MMP26: variants seen among roughly 807,000 people sequenced by gnomAD.
MMP26 encodes the protein matrix metalloproteinase-26.
In MMP26, 33 loss-of-function variants were observed where a neutral mutation model predicts 31.0. That is an observed-to-expected ratio of 1.06 (90% confidence interval 0.81 to 1.42). The LOEUF (loss-of-function observed/expected upper bound fraction) is 1.42. Ranked by LOEUF, MMP26 falls within the 40% of genes most tolerant of loss-of-function variation. The probability of loss-of-function intolerance (pLI) is 0.00; values close to 1 mark genes in which losing one functional copy is unlikely to be tolerated. For synonymous variants in MMP26, 122 were observed against 114.9 expected (o/e 1.06, Z -0.40); for missense variants, 347 against 316.1 (o/e 1.10, Z -0.74).
intron 2 of MMP26, among the ~76,000 whole-genome samples, chr11:4,819,602 A>G (rs1308812119): frequency 1.7e-5 from 1 of 58,920 alleles, no homozygotes; most frequent in Non-Finnish European, 3.2e-5. Context: ...TTTTTGAGAC[A>G]GTGTTTCTCT....
intron 1 of MMP26, chr11:4,723,647 C>T: frequency 1.1e-6 from 1 of 871,416 alleles, no homozygotes; most frequent in South Asian, 1.3e-5. Flanking sequence ...ATCTCATCCT[C>T]ATACTTGTTC....
At chr11:4,916,001 G>A (rs1244887207) in intron 2 of MMP26, among the ~76,000 whole-genome samples, 1 of 152,146 alleles carries the variant, frequency 6.6e-6, no homozygotes, top group East Asian at 1.9e-4. Flanking sequence ...AGCCACTAGA[G>A]TTTTTACTAG....
At chr11:4,973,226 A>G (rs1846689244) in intron 2 of MMP26, 1 of 160,230 alleles carries the variant, frequency 6.2e-6, no homozygotes, top group African/African-American at 2.4e-5. Context: ...CAGTATCAAC[A>G]TGTAGGACAT....
At chr11:4,917,402 A>G (rs1439478423) in intron 2 of MMP26, among the ~76,000 whole-genome samples, 2 of 152,234 alleles carry the variant, frequency 1.3e-5, no homozygotes, top group Non-Finnish European at 1.5e-5. Flanking sequence ...TTCTTGCCAT[A>G]TAGATAATAA....
intron 2 of MMP26, among the ~76,000 whole-genome samples, chr11:4,830,852 G>A (rs531215673): frequency 1.3e-5 from 2 of 151,310 alleles, no homozygotes; most frequent in Admixed American, 1.3e-4. Context: ...CAGAAGCCAA[G>A]TGCAATAGGA....
In MMP26 at chr11:4,924,407, AT is replaced by A. The variant is rs1404972102; in HGVS notation, c.-144-63659del. The A allele has an allele frequency of 4.1e-6, 6 of 1,460,902 alleles. No individual in the cohort carries two copies. In the Admixed American group the frequency reaches 1.3e-4, roughly 31 times the overall value. 90.5% of individuals were successfully genotyped at this position (1,460,902 alleles called of 1,614,324 possible). The stretch of plus-strand genomic sequence containing the variant: ...GATTCCTGGAAAGTGACAAGGCTGA[AT>A]TCTCACTCACCTAAATGTCCCAAGA... On this transcript the variant is annotated intron_variant, in intron 2 of 7. Transcript: ENST00000380390.
intron 2 of MMP26, among the ~76,000 whole-genome samples, chr11:4,824,338 A>G (rs775008499): frequency 3.9e-5 from 6 of 152,122 alleles, no homozygotes; most frequent in African/African-American, 1.4e-4. Flanking sequence ...GCAACATATC[A>G]GTGTGGGTCC....
intron 2 of MMP26, among the ~76,000 whole-genome samples, chr11:4,801,486 AGG>A (rs1164378566): frequency 6.6e-6 from 1 of 151,384 alleles, no homozygotes; most frequent in African/African-American, 2.4e-5. Context: ...GAGAAGGGGG[AGG>A]GGGAGGTCCC....
chr11:4,786,512 T>TA (rs1564909342), intron 2 of MMP26, among the ~76,000 whole-genome samples: 27 of 136,122 alleles, frequency 2.0e-4, no homozygotes, highest in Non-Finnish European at 3.5e-4. Flanking sequence ...TTTTTTTTTT[T>TA]TTTTTTTTTT....
At chr11:4,960,629 T>C (rs1420306998) in intron 2 of MMP26, among the ~76,000 whole-genome samples, 1 of 151,954 alleles carries the variant, frequency 6.6e-6, no homozygotes, top group Non-Finnish European at 1.5e-5. Context: ...AAAGAAATAA[T>C]CCTGATTGCT....
chr11:4,721,320 A>G (rs1313002282), intron 1 of MMP26, among the ~76,000 whole-genome samples: 2 of 152,198 alleles, frequency 1.3e-5, no homozygotes, highest in Admixed American at 1.3e-4. Flanking sequence ...ATGCTTTCAC[A>G]GTTCACCAAG....
intron 2 of MMP26, among the ~76,000 whole-genome samples, chr11:4,931,478 T>C (rs11034704): frequency 0.14 from 21,349 of 152,014 alleles, 1,681 homozygotes; most frequent in Middle Eastern, 0.25. Context: ...ACATATAATA[T>C]GCATTCAAGT....
intron 1 of MMP26, among the ~76,000 whole-genome samples, chr11:4,716,173 A>C (rs1298858541): frequency 6.6e-6 from 1 of 152,154 alleles, no homozygotes; most frequent in Non-Finnish European, 1.5e-5. Context: ...ATTAAGAACA[A>C]TCTCCAATTG....
chr11:4,959,688 A>G (rs1446337435), intron 2 of MMP26, among the ~76,000 whole-genome samples: 4 of 152,150 alleles, frequency 2.6e-5, no homozygotes, highest in Admixed American at 2.6e-4. Flanking sequence ...TCAATCATTT[A>G]TTGTGTTGAT....
At chr11:4,914,337 AAG>A (rs1046992476) in intron 2 of MMP26, 1,094 of 163,864 alleles carry the variant, frequency 6.7e-3, no homozygotes, top group South Asian at 0.018. Context: ...ATGGAGGTGG[AAG>A]AGAGAGAGAG....
chr11:4,749,264 A>G (rs1279842738), intron 1 of MMP26, among the ~76,000 whole-genome samples: 1 of 152,014 alleles, frequency 6.6e-6, no homozygotes, highest in African/African-American at 2.4e-5. Flanking sequence ...AAACTACAAA[A>G]TGCTGAGGAA....
chr11:4,836,810 C>T (rs1169843200), intron 2 of MMP26, among the ~76,000 whole-genome samples: 1 of 151,372 alleles, frequency 6.6e-6, no homozygotes, highest in East Asian at 1.9e-4. Context: ...CAGGTGTGCA[C>T]CACCATGCCC....
intron 2 of MMP26, chr11:4,769,662 T>C: frequency 6.2e-7 from 1 of 1,612,942 alleles, no homozygotes; most frequent in Non-Finnish European, 8.5e-7. Context: ...AACCAGAGGA[T>C]ACCTAATGTT....
chr11:4,846,060 C>G (rs1214045690), intron 2 of MMP26, among the ~76,000 whole-genome samples: 1 of 152,122 alleles, frequency 6.6e-6, no homozygotes, highest in African/African-American at 2.4e-5. Context: ...GTTATATACC[C>G]AAAAGAAAGG....
Sources: allele counts gnomAD v4.1 joint callset (sites outside exome capture counted in the v4.1 genomes callset), GRCh38; gene constraint gnomAD v4.1.1; transcripts MANE v1.5; gene names NCBI Gene and HGNC (gene_info 2026-07-23, HGNC 2026-07-21).